FRMD4A: variants seen among roughly 807,000 people sequenced by gnomAD.
FRMD4A encodes FERM domain-containing protein 4A.
FRMD4A carries 29 observed loss-of-function variants against 129.1 expected under a neutral mutation model. The ratio of observed to expected loss-of-function variants is 0.22; its 90% CI spans 0.17 to 0.31. The LOEUF is 0.31. Among genes scored for constraint, FRMD4A ranks in the 10% least tolerant of loss-of-function variants. The pLI is 1.00. For synonymous variants in FRMD4A, 634 were observed against 571.6 expected (o/e 1.11, Z -1.56); for missense variants, 1,272 against 1,375.8 (o/e 0.92, Z 1.19).
intron 2 of FRMD4A, among the ~76,000 whole-genome samples, chr10:14,095,840 T>C (rs1173395752): frequency 6.6e-6 from 1 of 152,192 alleles, no homozygotes; most frequent in Non-Finnish European, 1.5e-5. Context: ...GGAGTCCCTT[T>C]CCAGGGCAAG....
chr10:14,217,095 C>G (rs1409898730), intron 2 of FRMD4A, among the ~76,000 whole-genome samples: 1 of 152,210 alleles, frequency 6.6e-6, no homozygotes, highest in African/African-American at 2.4e-5. Context: ...TGTCACTATA[C>G]TTGATTCAGT....
At chr10:13,916,507 G>A (rs1172201707) in intron 2 of FRMD4A, among the ~76,000 whole-genome samples, 1 of 152,172 alleles carries the variant, frequency 6.6e-6, no homozygotes, top group Admixed American at 6.6e-5. Context: ...GCCAGATGTT[G>A]AACAGTCTCT....
At chr10:14,037,502 G>A (rs1412230281) in intron 2 of FRMD4A, among the ~76,000 whole-genome samples, 1 of 152,198 alleles carries the variant, frequency 6.6e-6, no homozygotes, top group Non-Finnish European at 1.5e-5. Flanking sequence ...ACAGGTGTGA[G>A]CCACCTAGCC....
At position 14,213,497 on chromosome 10, in the gene FRMD4A, G is replaced by T. The variant is rs556180937; in HGVS notation, c.45+116561C>A. Among the ~76,000 whole-genome samples, 8 of 152,268 alleles carry T rather than the reference G, an allele frequency of 5.3e-5. No individual in the cohort carries two copies. In the South Asian group the frequency reaches 1.4e-3, roughly 28 times the overall value. Reference sequence around the variant, plus strand: ...CAGTAAAGCCGGTATTCAAGCTCTGGTCCAGGTTTTAACACCACCAAAGAT... The same window carrying T: ...CAGTAAAGCCGGTATTCAAGCTCTGTTCCAGGTTTTAACACCACCAAAGAT... On this transcript the variant is annotated intron_variant, in intron 2 of 24. Coordinates refer to ENST00000357447, the MANE Select transcript of FRMD4A (RefSeq NM_018027.5).
At position 13,964,633 on chromosome 10, in the gene FRMD4A, T is replaced by TA. The variant is rs1481647394; in HGVS notation, c.46-105722dup. 2.6e-5 allele frequency among the ~76,000 whole-genome samples: 4 copies of TA among 152,022 alleles called. No homozygotes were observed. The East Asian group carries it at 7.7e-4, about 29-fold the overall frequency. On this transcript the variant is annotated intron_variant, in intron 2 of 24. Coordinates refer to ENST00000357447, the MANE Select transcript of FRMD4A (RefSeq NM_018027.5). ...GCATTCATTGCTTACAAAAGTGAGA[T>TA]ATTTTAATTGTCATCAGTTACAACT... is the stretch of plus-strand genomic sequence containing the variant.
rs9664466 is a variant in FRMD4A, at chr10:13,659,458, C to T, written c.1931G>A (p.Cys644Tyr). ...SHKRFPSTGS[C>Y]AEAGGGSNSL... ...GTTGCTTCCTCCGCCGGCTTCCGCA[C>T]AGCTTCCTGTGCTGGGGAAGCGCTT... Residue 644 changes from cysteine to tyrosine, a missense_variant, in exon 21 of 25, where the codon TGT (cysteine) becomes TAT (tyrosine). Cys to Tyr is a radical substitution (Grantham distance 194). Around this residue, in one of 2 missense-constraint regions of FRMD4A, gnomAD observed 972 missense variants for 892.3 expected, o/e 1.09. Transcript: ENST00000357447. 11 of 1,613,728 alleles carry T rather than the reference C, an allele frequency of 6.8e-6. No homozygotes were observed. The highest frequency in any genetic ancestry group is 6.7e-5 in the East Asian group (3 of 44,884).
At chr10:13,888,780 A>C (rs2094657387) in intron 2 of FRMD4A, among the ~76,000 whole-genome samples, 1 of 152,244 alleles carries the variant, frequency 6.6e-6, no homozygotes, top group Non-Finnish European at 1.5e-5. Flanking sequence ...AGACATTCTA[A>C]TACTCTGTGG....
chr10:14,226,255 G>A (rs993043054), intron 2 of FRMD4A, among the ~76,000 whole-genome samples: 2 of 152,128 alleles, frequency 1.3e-5, no homozygotes, highest in Middle Eastern at 3.2e-3. Context: ...CTGGGTGTGA[G>A]TTATGTGCAG....
At chr10:14,050,182 G>A (rs1390299860) in intron 2 of FRMD4A, among the ~76,000 whole-genome samples, 1 of 152,190 alleles carries the variant, frequency 6.6e-6, no homozygotes, top group Non-Finnish European at 1.5e-5. Context: ...AAAGCACTCA[G>A]GACAGTGCCT....
chr10:14,262,643 C>G (rs1337704829), intron 2 of FRMD4A, among the ~76,000 whole-genome samples: 1 of 152,114 alleles, frequency 6.6e-6, no homozygotes, highest in Non-Finnish European at 1.5e-5. Flanking sequence ...CAAAAGGCTC[C>G]TGGGTGGTGA....
chr10:13,892,122 G>T (rs1444867663), intron 2 of FRMD4A, among the ~76,000 whole-genome samples: 9 of 147,978 alleles, frequency 6.1e-5, no homozygotes, highest in African/African-American at 2.3e-4. Context: ...GACAAAGTTC[G>T]CTCCCGGTGA....
chr10:14,175,209 T>C (rs1251453002), intron 2 of FRMD4A, among the ~76,000 whole-genome samples: 4 of 152,190 alleles, frequency 2.6e-5, no homozygotes, highest in Admixed American at 2.6e-4. Context: ...TTGCATCATA[T>C]ATGTGACACA....
At chr10:14,066,748 A>C (rs1281027086) in intron 2 of FRMD4A, among the ~76,000 whole-genome samples, 1 of 152,226 alleles carries the variant, frequency 6.6e-6, no homozygotes, top group Non-Finnish European at 1.5e-5. Context: ...TTTATGTAGC[A>C]AATAACCTAG....
intron 8 of FRMD4A, among the ~76,000 whole-genome samples, chr10:13,756,395 A>ACC (rs2091864016): frequency 6.6e-6 from 1 of 152,142 alleles, no homozygotes; most frequent in South Asian, 2.1e-4. Context: ...TCGCTCTATT[A>ACC]CTCAGGCTGG....
At chr10:13,738,888 T>C (rs1396855513) in intron 11 of FRMD4A, among the ~76,000 whole-genome samples, 1 of 152,240 alleles carries the variant, frequency 6.6e-6, no homozygotes, top group African/African-American at 2.4e-5. Context: ...CCCAAAGTGC[T>C]GGGATTACAG....
intron 9 of FRMD4A, among the ~76,000 whole-genome samples, chr10:13,743,195 C>A (rs2091105779): frequency 6.6e-6 from 1 of 152,132 alleles, no homozygotes; most frequent in Non-Finnish European, 1.5e-5. Flanking sequence ...CTCCCACATG[C>A]CGAGGAAGTT....
At chr10:13,712,164 A>C (rs1199414372) in intron 12 of FRMD4A, 1 of 152,220 alleles carries the variant, frequency 6.6e-6, no homozygotes, top group Admixed American at 6.5e-5. Flanking sequence ...TTCAATACTC[A>C]GTAGCTTTCA....
At chr10:14,234,953 G>A (rs917866915) in intron 2 of FRMD4A, among the ~76,000 whole-genome samples, 1 of 152,162 alleles carries the variant, frequency 6.6e-6, no homozygotes, top group Non-Finnish European at 1.5e-5. Context: ...TGACTTTCAA[G>A]TATTTATCTT....
At position 13,892,027 on chromosome 10, in the gene FRMD4A, G is replaced by GCCC. The variant is rs577257969; in HGVS notation, c.46-33118_46-33116dup. 2.9e-3 allele frequency among the ~76,000 whole-genome samples: 392 copies of GCCC among 136,724 alleles called. 3 individuals are homozygous for GCCC. Among genetic ancestry groups the GCCC allele is most frequent in the African/African-American group, 8.6e-3 (315 of 36,824 alleles). 89.7% of individuals were successfully genotyped at this position (136,724 alleles called of 152,430 possible). A position where few individuals can be genotyped will look rare whatever the true frequency, so the allele number is the denominator to read the frequency against. On this transcript the variant is annotated intron_variant, in intron 2 of 24. Coordinates refer to ENST00000357447, the MANE Select transcript of FRMD4A (RefSeq NM_018027.5). ...ATCCTGGACAACAATGCGCGCCCCC[G>GCCC]CCCCCCCAGAAAGCCAGGGACGCCC...
Sources: allele counts gnomAD v4.1 joint callset (sites outside exome capture counted in the v4.1 genomes callset), GRCh38; gene constraint gnomAD v4.1.1; regional missense constraint gnomAD v4.1.1; transcripts MANE v1.5; gene names NCBI Gene and HGNC (gene_info 2026-07-23, HGNC 2026-07-21).